DLG2: variants seen among roughly 807,000 people sequenced by gnomAD.
DLG2 encodes the protein disks large homolog 2.
Under a neutral mutation model 132.5 loss-of-function variants are expected in DLG2, and 45 were observed. The observed-to-expected ratio is 0.34, with a 90% confidence interval of 0.27 to 0.44. The LOEUF (loss-of-function observed/expected upper bound fraction) is 0.44. Among genes scored for constraint, DLG2 ranks in the 20% least tolerant of loss-of-function variants. The pLI is 1.00. For synonymous variants in DLG2, 424 were observed against 419.6 expected (o/e 1.01, Z -0.13); for missense variants, 1,045 against 1,196.9 (o/e 0.87, Z 1.87).
At chr11:84,533,250 C>T (rs552398239) in intron 7 of DLG2, among the ~76,000 whole-genome samples, 1 of 152,306 alleles carries the variant, frequency 6.6e-6, no homozygotes, top group East Asian at 1.9e-4. Context: ...TCTGCTTCTG[C>T]CTTCCGCATG....
At chr11:84,866,905 A>G (rs1165387669) in intron 6 of DLG2, among the ~76,000 whole-genome samples, 2 of 152,204 alleles carry the variant, frequency 1.3e-5, no homozygotes, top group African/African-American at 4.8e-5. Context: ...TCTCTGTGTT[A>G]TATCTGTCTT....
intron 4 of DLG2, among the ~76,000 whole-genome samples, chr11:85,222,394 G>A (rs1370539330): frequency 6.6e-6 from 1 of 152,078 alleles, no homozygotes; most frequent in Admixed American, 6.6e-5. Context: ...ACTAAGCAAT[G>A]AGCATTAATG....
chr11:84,795,924 C>T (rs1371010311), intron 6 of DLG2, among the ~76,000 whole-genome samples: 1 of 152,210 alleles, frequency 6.6e-6, no homozygotes, highest in African/African-American at 2.4e-5. Context: ...GCCCTCCCCA[C>T]CACAGCTGGT....
intron 3 of DLG2, among the ~76,000 whole-genome samples, chr11:85,429,314 C>T (rs938520632): frequency 3.9e-5 from 6 of 152,048 alleles, no homozygotes; most frequent in African/African-American, 1.2e-4. Context: ...CTGGCAGAGA[C>T]ACAACAAAAA....
intron 15 of DLG2, among the ~76,000 whole-genome samples, chr11:83,886,306 T>G (rs1216079132): frequency 6.6e-6 from 1 of 152,120 alleles, no homozygotes; most frequent in Non-Finnish European, 1.5e-5. Flanking sequence ...TCCTAGTCTC[T>G]GATAAAACAG....
chr11:83,987,353 G>T (rs555814659), intron 11 of DLG2, among the ~76,000 whole-genome samples: 1 of 152,176 alleles, frequency 6.6e-6, no homozygotes, highest in Admixed American at 6.6e-5. Flanking sequence ...CTACTTTAAA[G>T]TTCATGTGGG....
chr11:84,448,443 T>C (rs967741831), intron 7 of DLG2, among the ~76,000 whole-genome samples: 3 of 152,048 alleles, frequency 2.0e-5, no homozygotes, highest in African/African-American at 4.8e-5. Flanking sequence ...TTTGATGAAG[T>C]TGTATTTTTG....
chr11:85,138,090 A>G (rs1164613900), intron 5 of DLG2, among the ~76,000 whole-genome samples: 1 of 152,178 alleles, frequency 6.6e-6, no homozygotes, highest in Non-Finnish European at 1.5e-5. Context: ...TGCTAATGAA[A>G]TGAATTAATT....
At chr11:84,652,939 T>G (rs548031539) in intron 6 of DLG2, among the ~76,000 whole-genome samples, 2 of 151,750 alleles carry the variant, frequency 1.3e-5, no homozygotes, top group Admixed American at 6.6e-5. Context: ...GAGGTTTTTT[T>G]TTTTTTTTTT....
At chr11:83,994,528 C>A (rs747552115) in intron 11 of DLG2, among the ~76,000 whole-genome samples, 2 of 152,096 alleles carry the variant, frequency 1.3e-5, no homozygotes, top group Non-Finnish European at 2.9e-5. Context: ...CACCACTGTA[C>A]CCAGCTTCAA....
At chr11:85,349,564 C>CT (rs2083119839) in intron 3 of DLG2, among the ~76,000 whole-genome samples, 2 of 152,100 alleles carry the variant, frequency 1.3e-5, no homozygotes, top group Non-Finnish European at 2.9e-5. Flanking sequence ...CTCCCCCAGC[C>CT]CTCTACCCTC....
At chr11:83,578,477 C>A (rs188073497) in intron 19 of DLG2, among the ~76,000 whole-genome samples, 1 of 151,634 alleles carries the variant, frequency 6.6e-6, no homozygotes, top group Non-Finnish European at 1.5e-5. Flanking sequence ...TTTGTTAGAC[C>A]GGATAAAAAA....
chr11:85,281,322 A>G (rs1022316104), intron 4 of DLG2, among the ~76,000 whole-genome samples: 3 of 152,028 alleles, frequency 2.0e-5, no homozygotes, highest in Admixed American at 2.0e-4. Flanking sequence ...TCAGAAGCCC[A>G]TCTGATTTTC....
At chr11:85,117,271 G>C (rs1441665788) in intron 5 of DLG2, among the ~76,000 whole-genome samples, 2 of 151,992 alleles carry the variant, frequency 1.3e-5, no homozygotes, top group Non-Finnish European at 2.9e-5. Flanking sequence ...GTCCATGAGG[G>C]AAAAACTCAA....
intron 7 of DLG2, among the ~76,000 whole-genome samples, chr11:84,504,368 T>A (rs2099232147): frequency 1.3e-5 from 2 of 152,196 alleles, no homozygotes. Flanking sequence ...AACTACTAAG[T>A]GTTTGGCTTA....
At chr11:84,901,479 T>G (rs2090878666) in intron 6 of DLG2, among the ~76,000 whole-genome samples, 1 of 152,142 alleles carries the variant, frequency 6.6e-6, no homozygotes, top group Non-Finnish European at 1.5e-5. Flanking sequence ...ATTTTCCACG[T>G]AGTTCCCTCT....
At chr11:85,259,551 C>G (rs2076835750) in intron 4 of DLG2, among the ~76,000 whole-genome samples, 1 of 151,922 alleles carries the variant, frequency 6.6e-6, no homozygotes, top group South Asian at 2.1e-4. Flanking sequence ...CTTGGTTTCC[C>G]TAGATCTTAA....
chr11:84,160,930 GA>G (rs2095533188), intron 9 of DLG2, among the ~76,000 whole-genome samples: 1 of 152,156 alleles, frequency 6.6e-6, no homozygotes, highest in Admixed American at 6.5e-5. Context: ...GATGAGAGAA[GA>G]GAGTGCTTGA....
rs150155950 is a variant in DLG2, at chr11:84,617,048, A to G, written c.358-82317T>C. ...AGTGCAGAATGTGCAGGTTTGTTAC[A>G]TAGGTATACACGTGCCATGGTGGTT... On this transcript the variant is annotated intron_variant, in intron 6 of 27. Coordinates refer to ENST00000376104, the MANE Select transcript of DLG2 (RefSeq NM_001142699.3). Among the ~76,000 whole-genome samples, 384 of 150,944 alleles carry G rather than the reference A, an allele frequency of 2.5e-3. 6 individuals carry two copies. Among genetic ancestry groups the G allele is most frequent in the East Asian group, 0.015 (78 of 5,104 alleles).
Sources: allele counts gnomAD v4.1 joint callset (sites outside exome capture counted in the v4.1 genomes callset), GRCh38; gene constraint gnomAD v4.1.1; transcripts MANE v1.5; gene names NCBI Gene and HGNC (gene_info 2026-07-23, HGNC 2026-07-21).